RBFOX1: variants seen among roughly 807,000 people sequenced by gnomAD.
The protein encoded by RBFOX1 is RNA binding protein fox-1 homolog 1.
A neutral mutation model predicts 57.7 loss-of-function variants in RBFOX1; 8 were observed. That is an observed-to-expected ratio of 0.14 (90% CI 0.08 to 0.25). The LOEUF is 0.25. Among genes scored for constraint, RBFOX1 ranks in the 10% least tolerant of loss-of-function variants. The probability of loss-of-function intolerance (pLI) is 1.00; values close to 1 mark genes in which losing one functional copy is unlikely to be tolerated. For missense variants in RBFOX1, 611 were observed against 548.5 expected, an observed-to-expected ratio of 1.11 and a Z score of -1.14; for synonymous variants, 326 against 222.4, an observed-to-expected ratio of 1.47 and a Z score of -4.15.
intron 14 of RBFOX1, among the ~76,000 whole-genome samples, chr16:7,704,741 A>C (rs934093721): frequency 3.3e-5 from 5 of 152,174 alleles, no homozygotes; most frequent in African/African-American, 1.2e-4. Flanking sequence ...ATGAAGTTGG[A>C]AAGTGCCCTT....
intron 14 of RBFOX1, among the ~76,000 whole-genome samples, chr16:7,680,915 C>T (rs1024272573): frequency 6.6e-6 from 1 of 152,150 alleles, no homozygotes; most frequent in Admixed American, 6.5e-5. Flanking sequence ...CACACACACA[C>T]ACTCACTTGT....
intron 3 of RBFOX1, among the ~76,000 whole-genome samples, chr16:6,731,380 A>G (rs1172918909): frequency 6.6e-6 from 1 of 152,148 alleles, no homozygotes; most frequent in Non-Finnish European, 1.5e-5. Context: ...TACTTTAGAA[A>G]CAGGGGATCA....
At chr16:5,633,609 C>T (rs1014493990) in intron 3 of RBFOX1, among the ~76,000 whole-genome samples, 4 of 152,118 alleles carry the variant, frequency 2.6e-5, no homozygotes, top group African/African-American at 4.8e-5. Flanking sequence ...TGTGGTGGCT[C>T]ACGCCTGTAA....
At chr16:6,885,074 T>C (rs1462222746) in intron 3 of RBFOX1, among the ~76,000 whole-genome samples, 1 of 152,188 alleles carries the variant, frequency 6.6e-6, no homozygotes, top group African/African-American at 2.4e-5. Flanking sequence ...CTGCAGAAAC[T>C]GATACAGAGA....
chr16:5,985,291 C>T (rs888768306), intron 4 of RBFOX1, among the ~76,000 whole-genome samples: 26 of 150,760 alleles, frequency 1.7e-4, no homozygotes, highest in African/African-American at 6.3e-4. Context: ...CATGTCCGGC[C>T]AACTCCATCA....
rs147574511 is a variant in RBFOX1, at chr16:5,576,130, C to G, written c.259-22772C>G. 8.2e-3 allele frequency among the ~76,000 whole-genome samples: 1,252 copies of G among 152,214 alleles called. 20 individuals are homozygous for G. The highest frequency in any genetic ancestry group is 0.029 in the African/African-American group (1,189 of 41,530). ...TCCAGAGAAGCTGGGATTGCAGGTG[C>G]CTGCCACCATATCCGGCTAATGTTT... On this transcript the variant is annotated intron_variant, in intron 2 of 2. Transcript: ENST00000585867.
At chr16:7,432,982 G>T (rs896683940) in intron 4 of RBFOX1, among the ~76,000 whole-genome samples, 4 of 152,200 alleles carry the variant, frequency 2.6e-5, no homozygotes, top group Non-Finnish European at 5.9e-5. Flanking sequence ...AGCTTCTGTG[G>T]AGGGAAACAG....
chr16:7,059,827 T>A (rs1188575359), intron 4 of RBFOX1, among the ~76,000 whole-genome samples: 1 of 152,214 alleles, frequency 6.6e-6, no homozygotes, highest in Non-Finnish European at 1.5e-5. Context: ...GCTGCACTTT[T>A]CATTGTAATT....
intron 3 of RBFOX1, among the ~76,000 whole-genome samples, chr16:6,818,499 T>C (rs1567389446): frequency 6.6e-6 from 1 of 152,296 alleles, no homozygotes; most frequent in South Asian, 2.1e-4. Context: ...GTGAGGTTTG[T>C]TATGTAGTTA....
chr16:6,597,371 C>T (rs1191035835), intron 2 of RBFOX1, among the ~76,000 whole-genome samples: 1 of 152,040 alleles, frequency 6.6e-6, no homozygotes, highest in Non-Finnish European at 1.5e-5. Context: ...ATATCCTAGC[C>T]TCCTTTAAAA....
chr16:6,923,620 A>C (rs937787996), intron 3 of RBFOX1, among the ~76,000 whole-genome samples: 1 of 152,142 alleles, frequency 6.6e-6, no homozygotes, highest in Non-Finnish European at 1.5e-5. Context: ...TGGGATGGAG[A>C]GTGAATCAGC....
intron 1 of RBFOX1, among the ~76,000 whole-genome samples, chr16:5,465,920 C>G (rs887233472): frequency 2.6e-5 from 4 of 152,144 alleles, no homozygotes; most frequent in African/African-American, 9.7e-5. Context: ...TGGTCTCTGT[C>G]CACGGTGCTG....
intron 2 of RBFOX1, among the ~76,000 whole-genome samples, chr16:6,381,891 G>A (rs2091852911): frequency 1.3e-5 from 2 of 152,220 alleles, no homozygotes; most frequent in African/African-American, 4.8e-5. Context: ...TGTCTCCCCT[G>A]CTGCACTGCA....
intron 4 of RBFOX1, among the ~76,000 whole-genome samples, chr16:7,302,124 C>G (rs2096050010): frequency 1.3e-5 from 2 of 152,018 alleles, no homozygotes; most frequent in African/African-American, 4.8e-5. Context: ...CTGCCTAGGG[C>G]TAAAGGGTTA....
chr16:7,128,643 C>T (rs766513510), intron 4 of RBFOX1, among the ~76,000 whole-genome samples: 2 of 152,062 alleles, frequency 1.3e-5, no homozygotes, highest in Non-Finnish European at 2.9e-5. Flanking sequence ...CATTTCTACC[C>T]TATTGTTACC....
intron 3 of RBFOX1, among the ~76,000 whole-genome samples, chr16:5,654,636 G>A (rs192219380): frequency 2.0e-5 from 3 of 152,230 alleles, no homozygotes; most frequent in Non-Finnish European, 2.9e-5. Flanking sequence ...AAAGCCTCAA[G>A]CCCTTTCGCA....
At chr16:6,358,080 G>A (rs2087715160) in intron 2 of RBFOX1, among the ~76,000 whole-genome samples, 1 of 152,158 alleles carries the variant, frequency 6.6e-6, no homozygotes, top group Non-Finnish European at 1.5e-5. Flanking sequence ...AGAGTGTAAA[G>A]GTGAAGAGGA....
At chr16:6,296,496 C>T (rs2078129040) in intron 1 of RBFOX1, among the ~76,000 whole-genome samples, 1 of 151,756 alleles carries the variant, frequency 6.6e-6, no homozygotes, top group Admixed American at 6.6e-5. Flanking sequence ...TCTCGGCTCA[C>T]TGCAAGCTCC....
At position 5,283,636 on chromosome 16, in the gene RBFOX1, C is replaced by T. The variant is rs75326501; in HGVS notation, c.219+43531C>T. On this transcript the variant is annotated intron_variant, in intron 1 of 2. Transcript: ENST00000585867. ...TTTTGGAGCTTTGGGATTTTACTGC[C>T]GCACTGGATTTTGGGCTTGCGTGGG... Among the ~76,000 whole-genome samples, 22 of 152,260 alleles carry T rather than the reference C, an allele frequency of 1.4e-4. No individual in the cohort carries two copies. In the East Asian group the frequency reaches 1.9e-3, roughly 13 times the overall value.
Sources: gnomAD v4.1 joint callset for allele counts (sites outside exome capture counted in the v4.1 genomes callset) on GRCh38, gnomAD v4.1.1 for gene constraint, MANE v1.5 for transcripts, NCBI Gene and HGNC (gene_info 2026-07-23, HGNC 2026-07-21) for gene names.